EVI5: variants seen among roughly 807,000 people sequenced by gnomAD.
EVI5 encodes ecotropic viral integration site 5.
A neutral mutation model predicts 112.0 loss-of-function variants in EVI5; 73 were observed. The observed-to-expected ratio is 0.65, with a 90% CI of 0.54 to 0.79. EVI5 has a LOEUF of 0.79. Ranked by LOEUF, EVI5 falls within the 30% of genes least tolerant of loss-of-function variation. The pLI, the probability that EVI5 is intolerant of heterozygous loss-of-function variation, is 0.00. For synonymous variants in EVI5, 305 were observed against 319.9 expected (o/e 0.95, Z 0.50); for missense variants, 900 against 968.8 (o/e 0.93, Z 0.94).
chr1:92,746,794 T>C (rs1213354542), intron 1 of EVI5, among the ~76,000 whole-genome samples: 2 of 151,382 alleles, frequency 1.3e-5, no homozygotes, highest in African/African-American at 4.9e-5. Flanking sequence ...CTACTTGGGA[T>C]GCTAAGGCGG....
chr1:92,623,338 A>G (rs1193157951), intron 16 of EVI5, among the ~76,000 whole-genome samples: 2 of 152,216 alleles, frequency 1.3e-5, no homozygotes, highest in Non-Finnish European at 2.9e-5. Context: ...GTTTGAGATT[A>G]TGATCATTTT....
At chr1:92,540,259 C>T (rs1664580578) in intron 19 of EVI5, among the ~76,000 whole-genome samples, 2 of 152,138 alleles carry the variant, frequency 1.3e-5, no homozygotes, top group Admixed American at 6.5e-5. Context: ...TGAGGACCTG[C>T]TATATACTGT....
chr1:92,680,180 T>A (rs1354644298), intron 9 of EVI5, among the ~76,000 whole-genome samples: 1 of 152,200 alleles, frequency 6.6e-6, no homozygotes, highest in Non-Finnish European at 1.5e-5. Flanking sequence ...TGGTTACTCA[T>A]CACCTTCAGA....
intron 19 of EVI5, among the ~76,000 whole-genome samples, chr1:92,561,364 C>T (rs761875781): frequency 5.3e-5 from 8 of 151,868 alleles, no homozygotes; most frequent in Non-Finnish European, 7.4e-5. Context: ...CAAAAAGATG[C>T]AGTTTGGTTT....
intron 13 of EVI5, among the ~76,000 whole-genome samples, chr1:92,637,275 G>A (rs1451585186): frequency 2.0e-5 from 3 of 152,044 alleles, no homozygotes; most frequent in East Asian, 1.9e-4. Flanking sequence ...CTACTAGGGA[G>A]TGTGAGGCAG....
Position 92,534,977 on chromosome 1 carries a change from T to C in EVI5, c.2167-21007A>G, listed in dbSNP as rs151239782. On this transcript the variant is annotated intron_variant, in intron 19 of 19. Coordinates refer to ENST00000684568, the MANE Select transcript of EVI5 (RefSeq NM_001350197.2). ...ACAGCAAAAGAAACTATCATCAGGG[T>C]GAAAAGGCAACATACAGAATGGGAG... Among the ~76,000 whole-genome samples the C allele has an allele frequency of 2.0e-4, 30 of 152,020 alleles. 1 individual carries two copies. In the East Asian group the frequency reaches 4.8e-3, roughly 25 times the overall value.
intron 18 of EVI5, among the ~76,000 whole-genome samples, chr1:92,588,983 A>G (rs146414291): frequency 6.6e-6 from 1 of 152,360 alleles, no homozygotes; most frequent in East Asian, 1.9e-4. Context: ...GGACAGAAAA[A>G]TTGAAAAGAA....
chr1:92,618,372 T>C (rs899130430), intron 16 of EVI5, among the ~76,000 whole-genome samples: 9 of 152,154 alleles, frequency 5.9e-5, no homozygotes, highest in African/African-American at 1.4e-4. Flanking sequence ...CAAGTTAAGA[T>C]TGCCACCTGG....
intron 18 of EVI5, 75 bp from the exon 19 acceptor site, chr1:92,563,812 T>C: frequency 3.6e-6 from 3 of 839,576 alleles, no homozygotes; most frequent in Non-Finnish European, 6.0e-6. Flanking sequence ...GTTCAAGGTA[T>C]AGGAAAAGCA....
Position 92,509,636 on chromosome 1 carries a change from T to A in EVI5, c.*4020A>T, listed in dbSNP as rs201085500. 2 of 152,190 alleles carry A rather than the reference T, an allele frequency of 1.3e-5. No homozygotes were observed. The highest frequency in any genetic ancestry group is 6.6e-5 in the Admixed American group (1 of 15,256). The allele number at this position is 152,190 out of a possible 1,614,324, so 9.4% of individuals were successfully genotyped here. ...GATCCTCCTGCCTCAGCCTCTTGAG[T>A]AGGTGGGACTATAGGAGTGTGCCAA... On this transcript the variant is annotated 3_prime_UTR_variant, in exon 20 of 20. Coordinates refer to ENST00000684568, the MANE Select transcript of EVI5 (RefSeq NM_001350197.2).
chr1:92,733,408 T>TTA (rs1196081684), intron 2 of EVI5, among the ~76,000 whole-genome samples: 2 of 149,352 alleles, frequency 1.3e-5, no homozygotes, highest in Non-Finnish European at 3.0e-5. Context: ...ATTATCATCT[T>TTA]TTTTTTTTTT....
intron 19 of EVI5, among the ~76,000 whole-genome samples, chr1:92,531,090 T>C (rs1401882530): frequency 6.6e-6 from 1 of 151,890 alleles, no homozygotes; most frequent in East Asian, 2.0e-4. Flanking sequence ...GAGAAGAACA[T>C]AAATTACCTC....
chr1:92,589,551 G>A (rs895684121), intron 18 of EVI5, among the ~76,000 whole-genome samples: 12 of 152,156 alleles, frequency 7.9e-5, no homozygotes, highest in African/African-American at 1.7e-4. Context: ...ACTGCAAGGC[G>A]GCAGCGAGGC....
chr1:92,704,010 G>C (rs1286353079), intron 3 of EVI5: 1 of 156,108 alleles, frequency 6.4e-6, no homozygotes, highest in Non-Finnish European at 1.4e-5. Flanking sequence ...TCAATAAAAT[G>C]AGAGAATTTA....
In EVI5 at chr1:92,776,031, C is replaced by T. The variant is rs554852182; in HGVS notation, c.-82+8805G>A. Among the ~76,000 whole-genome samples, 5 of 151,660 alleles carry T rather than the reference C, an allele frequency of 3.3e-5. No individual in the cohort carries two copies. The South Asian group carries it at 1.0e-3, about 32-fold the overall frequency. On this transcript the variant is annotated intron_variant, in intron 1 of 19. Coordinates refer to ENST00000684568, the MANE Select transcript of EVI5 (RefSeq NM_001350197.2). ...GCTGAGGCAGGAGAATGGCGTGAACCCGGGAGGCGGAGGTTGCAGTGAGCC... is the reference window on the plus strand; with the variant it reads ...GCTGAGGCAGGAGAATGGCGTGAACTCGGGAGGCGGAGGTTGCAGTGAGCC...
chr1:92,544,448 A>G (rs1182583091), intron 19 of EVI5, among the ~76,000 whole-genome samples: 1 of 152,192 alleles, frequency 6.6e-6, no homozygotes, highest in East Asian at 1.9e-4. Flanking sequence ...GAAAATGTAG[A>G]AATAACTTTT....
At chr1:92,544,538 C>T (rs558876145) in intron 19 of EVI5, among the ~76,000 whole-genome samples, 112 of 152,214 alleles carry the variant, frequency 7.4e-4, no homozygotes, top group Non-Finnish European at 1.4e-3. Context: ...CATATGATGA[C>T]CTCCTACAAC....
At chr1:92,737,808 A>C (rs1257682233) in intron 1 of EVI5, among the ~76,000 whole-genome samples, 3 of 152,234 alleles carry the variant, frequency 2.0e-5, no homozygotes, top group Non-Finnish European at 4.4e-5. Flanking sequence ...GACATAGTTA[A>C]GCCACTTAAC....
At chr1:92,568,390 GAAAAAA>G (rs1354342459) in intron 18 of EVI5, among the ~76,000 whole-genome samples, 189 of 147,554 alleles carry the variant, frequency 1.3e-3, no homozygotes, top group African/African-American at 4.6e-3. Context: ...AAAAAAAAAG[GAAAAAA>G]GAAAAAGAAA....
Sources: gnomAD v4.1 joint callset for allele counts (sites outside exome capture counted in the v4.1 genomes callset) on GRCh38, gnomAD v4.1.1 for gene constraint, MANE v1.5 for transcripts, NCBI Gene and HGNC (gene_info 2026-07-23, HGNC 2026-07-21) for gene names.